Variants in RBFOX3 observed in about 807,000 individuals in gnomAD.
RBFOX3 encodes the protein RNA binding protein fox-1 homolog 3.
Under a neutral mutation model 48.7 loss-of-function variants are expected in RBFOX3, and 17 were observed. The observed-to-expected ratio is 0.35, with a 90% CI of 0.24 to 0.52. RBFOX3 has a LOEUF of 0.52. Ranked by LOEUF, RBFOX3 falls within the 20% of genes least tolerant of loss-of-function variation. The probability of loss-of-function intolerance (pLI) is 0.94; values close to 1 mark genes in which losing one functional copy is unlikely to be tolerated. For synonymous variants in RBFOX3, 212 were observed against 209.5 expected (o/e 1.01, Z -0.10); for missense variants, 382 against 497.5 (o/e 0.77, Z 2.21).
chr17:79,616,584 C>CAA, the RBFOX3 span, among the ~76,000 whole-genome samples: 1 of 147,610 alleles, frequency 6.8e-6, no homozygotes, highest in Non-Finnish European at 1.5e-5. Flanking sequence ...TCTATACAAA[C>CAA]ACACACACAC....
intron 2 of RBFOX3, among the ~76,000 whole-genome samples, chr17:79,408,824 T>G (rs1287590208): frequency 6.6e-6 from 1 of 152,222 alleles, no homozygotes; most frequent in East Asian, 1.9e-4. Context: ...TATTGTAGTA[T>G]TATTATTCAT....
At position 79,463,197 on chromosome 17, in the gene RBFOX3, C is replaced by G. The variant is rs376929497; in HGVS notation, c.-175+19257G>C. On this transcript the variant is annotated intron_variant, in intron 2 of 14. Transcript: ENST00000693108. ...TCCACCGCCATCGCCACTGCCACCG[C>G]CATCGCCACTGCCACCTCCACTGCC... Among the ~76,000 whole-genome samples the G allele has an allele frequency of 9.6e-3, 1,109 of 115,976 alleles. 3 individuals carry two copies. Among genetic ancestry groups the G allele is most frequent in the Middle Eastern group, 0.027 (5 of 188 alleles). 76.1% of individuals were successfully genotyped at this position (115,976 alleles called of 152,430 possible). A position where few individuals can be genotyped will look rare whatever the true frequency, so the allele number is the denominator to read the frequency against.
intron 2 of RBFOX3, among the ~76,000 whole-genome samples, chr17:79,386,526 A>G (rs1319028700): frequency 6.6e-6 from 1 of 152,242 alleles, no homozygotes; most frequent in Non-Finnish European, 1.5e-5. Context: ...CAGAGCCCTC[A>G]TACTATCACC....
intron 2 of RBFOX3, among the ~76,000 whole-genome samples, chr17:79,437,634 A>T (rs1386978557): frequency 6.6e-6 from 1 of 152,152 alleles, no homozygotes; most frequent in Non-Finnish European, 1.5e-5. Flanking sequence ...CCATGTGGGG[A>T]TGGAGGGCTG....
chr17:79,249,677 T>G lies in RBFOX3; in HGVS notation c.-73-13872A>C, dbSNP rs990714061. The stretch of plus-strand genomic sequence containing the variant: ...CCAAACCAGCCAGCCCCAAAACCAC[T>G]TCCCCTGCCTCGCCCGTTCCTTCCT... On this transcript the variant is annotated intron_variant, in intron 3 of 14. Coordinates refer to ENST00000693108, the MANE Select transcript of RBFOX3 (RefSeq NM_001350451.2). This position sits in a 1 kb window ranked among gnomAD's most constrained non-coding sequence, Gnocchi z 4.1. Among the ~76,000 whole-genome samples the G allele has an allele frequency of 1.3e-5, 2 of 149,098 alleles. No homozygotes were observed. The highest frequency in any genetic ancestry group is 4.9e-5 in the African/African-American group (2 of 41,200).
intron 4 of RBFOX3, among the ~76,000 whole-genome samples, chr17:79,219,825 G>A (rs2059497132): frequency 6.6e-6 from 1 of 151,954 alleles, no homozygotes; most frequent in African/African-American, 2.4e-5. Flanking sequence ...GGGGAGGGGA[G>A]CTTGTGGGGC....
At chr17:79,325,847 G>A (rs1357825635) in intron 2 of RBFOX3, among the ~76,000 whole-genome samples, 1 of 152,168 alleles carries the variant, frequency 6.6e-6, no homozygotes, top group Non-Finnish European at 1.5e-5. Context: ...CGGAGTCGCA[G>A]TTCCGTTTAG....
Position 79,097,700 on chromosome 17 carries a change from A to T in RBFOX3, c.614T>A (p.Phe205Tyr). 1 of 1,545,410 alleles carries T rather than the reference A, an allele frequency of 6.5e-7. No individual in the cohort carries two copies. The highest frequency in any genetic ancestry group is 2.0e-5 in the Admixed American group (1 of 50,814). Residue 205 changes from phenylalanine to tyrosine, a missense_variant, in exon 10 of 15, where the codon TTC becomes TAC. By Grantham distance (22) the Phe-to-Tyr change is conservative (BLOSUM62 3). Coordinates refer to ENST00000693108, the MANE Select transcript of RBFOX3 (RefSeq NM_001350451.2). ...CCCGCCCCAGCTTTTACCTGCATAGAATTCAGGCCCGTAGACTGCGCCGAC... is the reference window on the plus strand; with the variant it reads ...CCCGCCCCAGCTTTTACCTGCATAGTATTCAGGCCCGTAGACTGCGCCGAC... Reference protein sequence around the residue: ...PVVGAVYGPEFYAVTGFPYPT... With the variant: ...PVVGAVYGPEYYAVTGFPYPT...
At chr17:79,271,121 G>T (rs1270507935) in intron 3 of RBFOX3, among the ~76,000 whole-genome samples, 1 of 151,384 alleles carries the variant, frequency 6.6e-6, no homozygotes, top group Non-Finnish European at 1.5e-5. Flanking sequence ...TGTCACCCAG[G>T]CTGGAGCGCA....
intron 1 of RBFOX3, among the ~76,000 whole-genome samples, chr17:79,484,247 T>C (rs1434712859): frequency 1.3e-5 from 2 of 151,820 alleles, no homozygotes; most frequent in African/African-American, 4.8e-5. Context: ...CTGGACAGAG[T>C]ACCACCCCCA....
chr17:79,545,852 C>T (rs73426844), intron 1 of RBFOX3, among the ~76,000 whole-genome samples: 3,641 of 152,324 alleles, frequency 0.024, 144 homozygotes, highest in African/African-American at 0.085. Context: ...CGCCAGCTCA[C>T]TCGGCTCACT....
chr17:79,442,940 C>G (rs117307761), intron 2 of RBFOX3, among the ~76,000 whole-genome samples: 5,786 of 152,338 alleles, frequency 0.038, 135 homozygotes, highest in Non-Finnish European at 0.052. Flanking sequence ...GAAAATCTGA[C>G]TGACTTGGCC....
In RBFOX3 at chr17:79,512,440, G is replaced by A. The variant is rs572599558; in HGVS notation, c.-319-29842C>T. ...GCACACCTGGATACATGTTACCATCGAGTACAGTCCTATAGCCAGGGGATA... is the reference window on the plus strand; with the variant it reads ...GCACACCTGGATACATGTTACCATCAAGTACAGTCCTATAGCCAGGGGATA... On this transcript the variant is annotated intron_variant, in intron 1 of 14. Coordinates refer to ENST00000693108, the MANE Select transcript of RBFOX3 (RefSeq NM_001350451.2). Among the ~76,000 whole-genome samples, 318 of 128,614 alleles carry A rather than the reference G, an allele frequency of 2.5e-3. 3 individuals are homozygous for A. The highest frequency in any genetic ancestry group is 0.011 in the East Asian group (44 of 4,022). The allele number at this position is 128,614 out of a possible 152,430, so 84.4% of individuals were successfully genotyped here.
At chr17:79,230,282 T>C (rs933366606) in intron 4 of RBFOX3, among the ~76,000 whole-genome samples, 1 of 152,146 alleles carries the variant, frequency 6.6e-6, no homozygotes, top group Non-Finnish European at 1.5e-5. Context: ...TTTTTTGAGA[T>C]GGAGTCTTGC....
intron 4 of RBFOX3, among the ~76,000 whole-genome samples, chr17:79,152,411 G>A (rs2044745311): frequency 3.3e-5 from 5 of 152,062 alleles, no homozygotes; most frequent in South Asian, 4.1e-4. Context: ...GGAGCAGTGC[G>A]GGCCGCAGCC....
rs575712806 is a variant in RBFOX3 at position 79,172,879 on chromosome 17, T to C, written c.-33-57131A>G. On this transcript the variant is annotated intron_variant, in intron 4 of 14. Transcript: ENST00000693108. ...ATGCTGGGTTAAACAAAATGTATGA[T>C]TGAAATTCATCTCATCTGTTTCTTT... 1.7e-3 allele frequency among the ~76,000 whole-genome samples: 266 copies of C among 152,360 alleles called. 1 individual carries two copies. The highest frequency in any genetic ancestry group is 2.9e-3 in the Non-Finnish European group (195 of 68,024).
chr17:79,278,043 A>C (rs57044051), intron 3 of RBFOX3, among the ~76,000 whole-genome samples: 2,466 of 152,274 alleles, frequency 0.016, 80 homozygotes, highest in African/African-American at 0.056. Context: ...AGTGTGGCTC[A>C]CTCTGCAAAT....
intron 2 of RBFOX3, among the ~76,000 whole-genome samples, chr17:79,465,956 C>T (rs782426706): frequency 9.2e-5 from 14 of 152,210 alleles, no homozygotes; most frequent in Non-Finnish European, 1.8e-4. Flanking sequence ...CTGAGCAAAG[C>T]TTCTGGGCAT....
At chr17:79,556,821 G>A (rs1004623232) in intron 1 of RBFOX3, among the ~76,000 whole-genome samples, 6 of 152,182 alleles carry the variant, frequency 3.9e-5, no homozygotes, top group Admixed American at 6.5e-5. Context: ...GAAGGGGAGC[G>A]TGGGGAAGGG....
Sources: allele counts gnomAD v4.1 joint callset (sites outside exome capture counted in the v4.1 genomes callset), GRCh38; gene constraint gnomAD v4.1.1; non-coding constraint Gnocchi (gnomAD v3.1); transcripts MANE v1.5; gene names NCBI Gene and HGNC (gene_info 2026-07-23, HGNC 2026-07-21).